The following DNAJC11 variants were observed in gnomAD, a reference collection of about 807,000 sequenced individuals.
DNAJC11 encodes the protein dnaJ homolog subfamily C member 11.
DNAJC11 carries 15 observed loss-of-function variants against 78.6 expected under a neutral mutation model. The ratio of observed to expected loss-of-function variants is 0.19; its 90% confidence interval spans 0.13 to 0.29. The LOEUF (loss-of-function observed/expected upper bound fraction) is 0.29. Ranked by LOEUF, DNAJC11 falls within the 10% of genes least tolerant of loss-of-function variation. The pLI is 1.00. For synonymous variants in DNAJC11, 292 were observed against 272.1 expected (o/e 1.07, Z -0.72); for missense variants, 547 against 709.6 (o/e 0.77, Z 2.60).
At position 6,637,288 on chromosome 1, in the gene DNAJC11, C is replaced by A; in HGVS notation, c.1434G>T (p.Arg478Ser). ...CAATCACCTTCACCTTCTCGCTCTT[C>A]CTGCTCTTGTCATTGACAAACTTCC... ...WYGKFVNDKS[R>S]KSEKVKVIDV... Residue 478 changes from arginine to serine, a missense_variant, in exon 14 of 16, where the codon AGG (arginine) becomes AGT (serine). Arg to Ser is a moderately radical substitution (Grantham distance 110). Coordinates refer to ENST00000377577, the MANE Select transcript of DNAJC11 (RefSeq NM_018198.4). The A allele has an allele frequency of 6.2e-7, 1 of 1,614,208 alleles. No homozygotes were observed. Among genetic ancestry groups the A allele is most frequent in the Non-Finnish European group, 8.5e-7 (1 of 1,180,046 alleles).
intron 3 of DNAJC11, among the ~76,000 whole-genome samples, chr1:6,669,545 G>GAAAAGAAAAA: frequency 6.6e-6 from 1 of 150,768 alleles, no homozygotes; most frequent in African/African-American, 2.4e-5. Flanking sequence ...GAAAAGAAAA[G>GAAAAGAAAAA]AAAAGAAAAG....
chr1:6,638,833 A>G (rs898150079), intron 11 of DNAJC11, among the ~76,000 whole-genome samples: 3 of 152,202 alleles, frequency 2.0e-5, no homozygotes, highest in Non-Finnish European at 2.9e-5. Flanking sequence ...CACTTTTGGT[A>G]GGAACAACTA....
chr1:6,643,521 C>T (rs892480423), intron 10 of DNAJC11, among the ~76,000 whole-genome samples: 1 of 151,818 alleles, frequency 6.6e-6, no homozygotes, highest in Non-Finnish European at 1.5e-5. Flanking sequence ...GTGATCTGCC[C>T]GCCTTGGCCT....
chr1:6,645,694 G>A lies in DNAJC11; in HGVS notation c.894+95C>T, dbSNP rs1000222362. The A allele has an allele frequency of 3.5e-6, 5 of 1,416,374 alleles. No homozygotes were observed. The East Asian group carries it at 1.1e-4, about 32-fold the overall frequency. 87.7% of individuals were successfully genotyped at this position (1,416,374 alleles called of 1,614,324 possible). ...CCTGTATGGGCTTAGACTTAGTGGTGATCAGGACGCAGGATTTAAGGGGAG... is the reference window on the plus strand; with the variant it reads ...CCTGTATGGGCTTAGACTTAGTGGTAATCAGGACGCAGGATTTAAGGGGAG... On this transcript the variant is annotated intron_variant, in intron 8 of 15. Transcript: ENST00000377577. The surrounding 1 kb of genome is among the most constrained non-coding windows in gnomAD (Gnocchi z 4.1).
chr1:6,641,537 AT>A (rs112447167), intron 10 of DNAJC11, among the ~76,000 whole-genome samples: 261 of 144,022 alleles, frequency 1.8e-3, no homozygotes, highest in Middle Eastern at 3.7e-3. Flanking sequence ...CAAGACAAAA[AT>A]TTTTTTTTTT....
intron 1 of DNAJC11, among the ~76,000 whole-genome samples, chr1:6,695,562 C>T (rs1254171283): frequency 7.4e-6 from 1 of 134,950 alleles, no homozygotes; most frequent in African/African-American, 2.7e-5. Flanking sequence ...GAGGCCGAGG[C>T]GGATGGATCA....
chr1:6,635,735 G>T, intron 15 of DNAJC11, 35 bp from the exon 16 acceptor site: 1 of 1,613,888 alleles, frequency 6.2e-7, no homozygotes, highest in South Asian at 1.1e-5. Flanking sequence ...GTGATCAGAA[G>T]GTGGCCATTC....
rs560440198 is a variant in DNAJC11 at position 6,637,593 on chromosome 1, C to A, written c.1324-89G>T. 5.2e-5 allele frequency: 74 copies of A among 1,432,006 alleles called. 1 individual carries two copies. In the South Asian group the frequency reaches 7.9e-4, roughly 15 times the overall value. 88.7% of individuals were successfully genotyped at this position (1,432,006 alleles called of 1,614,324 possible). ...GGCCACAGGCAGGCAGTCTTGTCCA[C>A]GTCAACATACTTGCTCAGGGCCTGG... On this transcript the variant is annotated intron_variant, in intron 12 of 15. Coordinates refer to ENST00000377577, the MANE Select transcript of DNAJC11 (RefSeq NM_018198.4).
intron 4 of DNAJC11, among the ~76,000 whole-genome samples, chr1:6,667,146 T>C (rs1169232668): frequency 5.9e-5 from 9 of 152,232 alleles, no homozygotes; most frequent in Non-Finnish European, 1.3e-4. Flanking sequence ...GGGACACCGA[T>C]GCTGCTCAAA....
At position 6,678,133 on chromosome 1, in the gene DNAJC11, G is replaced by A. The variant is rs997364271; in HGVS notation, c.276+261C>T. ...CACCTGGGTTAAAAATTACTGGTTC[G>A]GTCCATCCCTCTTCCGTTTTACTTG... On this transcript the variant is annotated intron_variant, in intron 3 of 15. Coordinates refer to ENST00000377577, the MANE Select transcript of DNAJC11 (RefSeq NM_018198.4). Among the ~76,000 whole-genome samples the A allele has an allele frequency of 3.3e-5, 5 of 152,118 alleles. No homozygotes were observed. In the East Asian group the frequency reaches 5.8e-4, roughly 18 times the overall value.
chr1:6,652,736 C>G (rs1642074487), intron 6 of DNAJC11, 93 bp downstream of exon 6: 3 of 1,558,208 alleles, frequency 1.9e-6, no homozygotes, highest in African/African-American at 1.4e-5. Context: ...AACGGGGCCC[C>G]CAGGGTGAGT....
chr1:6,686,710 T>G (rs376870445), intron 1 of DNAJC11, among the ~76,000 whole-genome samples: 3 of 152,220 alleles, frequency 2.0e-5, no homozygotes, highest in African/African-American at 7.2e-5. Context: ...ACCAACCACA[T>G]TGGGTGAACG....
chr1:6,697,229 G>A (rs1642851466), intron 1 of DNAJC11, among the ~76,000 whole-genome samples: 1 of 152,206 alleles, frequency 6.6e-6, no homozygotes, highest in Non-Finnish European at 1.5e-5. Context: ...AGGAAATCTA[G>A]AAGGAGAATC....
chr1:6,666,373 T>A (rs1557478762), intron 4 of DNAJC11, among the ~76,000 whole-genome samples: 1 of 137,456 alleles, frequency 7.3e-6, no homozygotes, highest in Admixed American at 8.5e-5. Flanking sequence ...ATTTGTTTTT[T>A]TTCTTTCTTT....
intron 1 of DNAJC11, among the ~76,000 whole-genome samples, chr1:6,686,455 C>T (rs1642658869): frequency 6.6e-6 from 1 of 152,132 alleles, no homozygotes; most frequent in African/African-American, 2.4e-5. Flanking sequence ...CCATCTGAGG[C>T]CAGCTAGTAC....
At position 6,645,719 on chromosome 1, in the gene DNAJC11, G is replaced by T; in HGVS notation, c.894+70C>A. On this transcript the variant is annotated intron_variant, in intron 8 of 15. Coordinates refer to ENST00000377577, the MANE Select transcript of DNAJC11 (RefSeq NM_018198.4). This position sits in a 1 kb window ranked among gnomAD's most constrained non-coding sequence, Gnocchi z 4.1. ...GATCAGGACGCAGGATTTAAGGGGAGCACTGAGTGCTTGGGAGGAGGGGTC... is the reference window on the plus strand; with the variant it reads ...GATCAGGACGCAGGATTTAAGGGGATCACTGAGTGCTTGGGAGGAGGGGTC... 2 of 1,543,850 alleles carry T rather than the reference G, an allele frequency of 1.3e-6. No individual in the cohort carries two copies. The highest frequency in any genetic ancestry group is 1.8e-6 in the Non-Finnish European group (2 of 1,125,798).
At chr1:6,696,345 T>C (rs1209274673) in intron 1 of DNAJC11, among the ~76,000 whole-genome samples, 3 of 152,246 alleles carry the variant, frequency 2.0e-5, no homozygotes, top group Non-Finnish European at 4.4e-5. Context: ...TTTGAGTCGC[T>C]CAAATTGGCA....
At chr1:6,638,190 T>C in intron 12 of DNAJC11, 105 bp downstream of exon 12, 1 of 1,129,978 alleles carries the variant, frequency 8.8e-7, no homozygotes. Context: ...GAGAGCCAAG[T>C]TGTTGGAGAA....
chr1:6,637,211 G>A lies in DNAJC11; in HGVS notation c.1511C>T (p.Thr504Met), dbSNP rs774995067. 33 of 1,614,046 alleles carry A rather than the reference G, an allele frequency of 2.0e-5. No individual in the cohort carries two copies. Among genetic ancestry groups the A allele is most frequent in the South Asian group, 1.8e-4 (16 of 91,088 alleles). Residue 504 changes from threonine to methionine, a missense_variant, in exon 14 of 16, where the codon ACG becomes ATG. Thr to Met is a moderately conservative substitution (Grantham distance 81, BLOSUM62 -1). Transcript: ENST00000377577. ...GTGCTGCTGTACCTTGGAGGCCTCCGTGAGGATGAGCTTCGAGTCCTTCAC... is the reference window on the plus strand; with the variant it reads ...GTGCTGCTGTACCTTGGAGGCCTCCATGAGGATGAGCTTCGAGTCCTTCAC... Reference protein sequence around the residue: ...CLVKDSKLILTEASKAGLPGF... With the variant: ...CLVKDSKLILMEASKAGLPGF...
Sources: gnomAD v4.1 joint callset for allele counts (sites outside exome capture counted in the v4.1 genomes callset) on GRCh38, gnomAD v4.1.1 for gene constraint, Gnocchi (gnomAD v3.1) non-coding constraint, MANE v1.5 for transcripts, NCBI Gene and HGNC (gene_info 2026-07-23, HGNC 2026-07-21) for gene names.